NELL1: variants seen among roughly 807,000 people sequenced by gnomAD.
NELL1 encodes protein kinase C-binding protein NELL1.
Under a neutral mutation model 107.4 loss-of-function variants are expected in NELL1, and 76 were observed. The ratio of observed to expected loss-of-function variants is 0.71; its 90% confidence interval spans 0.59 to 0.86. NELL1 has a LOEUF of 0.86. NELL1 is among the 40% of genes least tolerant of loss of function. NELL1 has a pLI of 0.00. For missense variants in NELL1, 1,024 were observed against 1,005.5 expected, an observed-to-expected ratio of 1.02 and a Z score of -0.25; for synonymous variants, 353 against 341.2, an observed-to-expected ratio of 1.03 and a Z score of -0.38.
chr11:21,567,796 A>G (rs1857006046), intron 17 of NELL1, among the ~76,000 whole-genome samples: 1 of 151,854 alleles, frequency 6.6e-6, no homozygotes, highest in South Asian at 2.1e-4. Flanking sequence ...GCTATAGTAA[A>G]TGACATAAAT....
intron 12 of NELL1, among the ~76,000 whole-genome samples, chr11:21,033,994 A>T (rs1853026892): frequency 6.6e-6 from 1 of 152,074 alleles, no homozygotes; most frequent in African/African-American, 2.4e-5. Context: ...ATGATCAGTG[A>T]TGTTGAGCAC....
At chr11:21,391,401 A>T in intron 15 of NELL1, among the ~76,000 whole-genome samples, 1 of 151,614 alleles carries the variant, frequency 6.6e-6, no homozygotes, top group East Asian at 2.0e-4. Context: ...CCCTGGTTTC[A>T]TTTCTGGGAC....
At chr11:21,360,912 G>C (rs1209044817) in intron 14 of NELL1, among the ~76,000 whole-genome samples, 1 of 152,122 alleles carries the variant, frequency 6.6e-6, no homozygotes, top group East Asian at 1.9e-4. Context: ...TATCCATTCT[G>C]CCATTCTGCA....
chr11:20,732,378 T>C (rs548719067), intron 2 of NELL1, among the ~76,000 whole-genome samples: 1 of 152,282 alleles, frequency 6.6e-6, no homozygotes, highest in African/African-American at 2.4e-5. Context: ...ACTGCATGGA[T>C]TTTTGTCCTT....
chr11:21,480,699 A>G (rs1191679094), intron 15 of NELL1, among the ~76,000 whole-genome samples: 9 of 152,316 alleles, frequency 5.9e-5, no homozygotes, highest in Non-Finnish European at 1.3e-4. Context: ...TCCCACCACC[A>G]GAAACTGCTC....
At chr11:21,139,770 C>G (rs370167360) in intron 13 of NELL1, among the ~76,000 whole-genome samples, 1 of 152,094 alleles carries the variant, frequency 6.6e-6, no homozygotes, top group Non-Finnish European at 1.5e-5. Context: ...TGCAAGTAAC[C>G]AAAAATCCAG....
intron 4 of NELL1, among the ~76,000 whole-genome samples, chr11:20,881,195 A>G (rs964469488): frequency 3.3e-5 from 5 of 152,238 alleles, no homozygotes; most frequent in African/African-American, 9.6e-5. Flanking sequence ...ACGTTGCTCT[A>G]TTAGGAAATA....
chr11:21,157,126 C>A (rs184604034), intron 13 of NELL1, among the ~76,000 whole-genome samples: 4 of 146,694 alleles, frequency 2.7e-5, no homozygotes, highest in African/African-American at 7.6e-5. Flanking sequence ...TATATATACA[C>A]GTACATATAT....
chr11:21,211,287 G>C (rs1857491759), intron 13 of NELL1, among the ~76,000 whole-genome samples: 1 of 152,112 alleles, frequency 6.6e-6, no homozygotes, highest in African/African-American at 2.4e-5. Context: ...GTAGGATGAA[G>C]AGGGAAGAGC....
intron 15 of NELL1, among the ~76,000 whole-genome samples, chr11:21,456,538 AT>A (rs760079086): frequency 0.019 from 2,905 of 151,430 alleles, 40 homozygotes; most frequent in African/African-American, 0.022. Flanking sequence ...GTGAAAAAGT[AT>A]TTTTTTTTGG....
chr11:20,960,321 A>C, intron 11 of NELL1, 111 bp from the exon 12 acceptor site: 1 of 1,127,460 alleles, frequency 8.9e-7, no homozygotes, highest in Non-Finnish European at 1.3e-6. Flanking sequence ...CATACTGCCA[A>C]AGTGTATTTT....
intron 15 of NELL1, among the ~76,000 whole-genome samples, chr11:21,410,411 G>A (rs1176727131): frequency 2.0e-5 from 3 of 152,048 alleles, no homozygotes; most frequent in Non-Finnish European, 4.4e-5. Flanking sequence ...GGAGGAAGGC[G>A]AGTAGGGAAA....
intron 14 of NELL1, among the ~76,000 whole-genome samples, chr11:21,319,373 A>G (rs1201955313): frequency 6.6e-6 from 1 of 150,884 alleles, no homozygotes; most frequent in African/African-American, 2.4e-5. Flanking sequence ...ATTTTTCAGT[A>G]CAGACAGGTT....
intron 2 of NELL1, among the ~76,000 whole-genome samples, chr11:20,697,109 C>A (rs1346068672): frequency 2.6e-5 from 4 of 152,118 alleles, no homozygotes; most frequent in Non-Finnish European, 5.9e-5. Flanking sequence ...AATTTAGCAA[C>A]AAATTAGCGA....
At chr11:21,571,008 T>A in intron 18 of NELL1, 68 bp downstream of exon 18, 1 of 1,466,096 alleles carries the variant, frequency 6.8e-7, no homozygotes, top group Non-Finnish European at 9.4e-7. Context: ...CAGTTGTCTG[T>A]GGGACCTAGT....
intron 15 of NELL1, among the ~76,000 whole-genome samples, chr11:21,450,475 G>A (rs895090017): frequency 6.6e-6 from 1 of 152,124 alleles, no homozygotes; most frequent in African/African-American, 2.4e-5. Flanking sequence ...ATGCTGCTGA[G>A]GTATAACGTT....
chr11:20,702,777 TTG>T (rs1313108285), intron 2 of NELL1, among the ~76,000 whole-genome samples: 2 of 152,212 alleles, frequency 1.3e-5, no homozygotes, highest in African/African-American at 2.4e-5. Flanking sequence ...CATGTAGTTT[TTG>T]TCTTTGGTTC....
At chr11:20,706,006 T>A (rs936818243) in intron 2 of NELL1, among the ~76,000 whole-genome samples, 6 of 152,006 alleles carry the variant, frequency 3.9e-5, no homozygotes, top group Non-Finnish European at 8.8e-5. Context: ...TATTAAAAAG[T>A]CAAGAAACAA....
intron 15 of NELL1, among the ~76,000 whole-genome samples, chr11:21,481,931 T>G (rs2133901043): frequency 6.6e-6 from 1 of 152,302 alleles, no homozygotes; most frequent in South Asian, 2.1e-4. Flanking sequence ...TTTTAGGTTC[T>G]TATAGGAATC....
Sources: allele counts gnomAD v4.1 joint callset (sites outside exome capture counted in the v4.1 genomes callset), GRCh38; gene constraint gnomAD v4.1.1; transcripts MANE v1.5; gene names NCBI Gene and HGNC (gene_info 2026-07-23, HGNC 2026-07-21).